Variants in STXBP3 observed in about 807,000 individuals in gnomAD.
STXBP3 encodes the protein syntaxin-binding protein 3.
In STXBP3, 41 loss-of-function variants were observed where a neutral mutation model predicts 85.7. The observed-to-expected ratio is 0.48, with a 90% CI of 0.37 to 0.62. STXBP3 has a LOEUF of 0.62. Ranked by LOEUF, STXBP3 falls within the 20% of genes least tolerant of loss-of-function variation. The pLI, the probability that STXBP3 is intolerant of heterozygous loss-of-function variation, is 0.00. For synonymous variants in STXBP3, 229 were observed against 231.7 expected, an observed-to-expected ratio of 0.99 and a Z score of 0.10; for missense variants, 563 against 703.1, an observed-to-expected ratio of 0.80 and a Z score of 2.25.
At position 108,779,306 on chromosome 1, in the gene STXBP3, C is replaced by G; in HGVS notation, c.705C>G (p.Leu235=). 6.2e-7 allele frequency: 1 copy of G among 1,612,576 alleles called. No individual in the cohort carries two copies. The change falls in exon 9 of 19, where the codon CTC becomes CTG. Residue 235 remains leucine (L), a synonymous_variant. Coordinates refer to ENST00000370008, the MANE Select transcript of STXBP3 (RefSeq NM_007269.4). The part of the protein sequence containing the change: ...SLIKGKTHSQ[L]LIIDRGFDPV... ...TCTAGGGTAAAACTCATTCACAGCT[C>G]TTAATAATTGATCGTGGCTTTGATC... is the stretch of plus-strand genomic sequence containing the variant.
intron 11 of STXBP3, among the ~76,000 whole-genome samples, chr1:108,793,157 A>ATTTTTTTTTCTTTTTTTTT (rs751400870): frequency 7.4e-5 from 5 of 67,508 alleles, no homozygotes; most frequent in East Asian, 4.6e-4. Flanking sequence ...TCTTATCTCC[A>ATTTTTTTTTCTTTTTTTTT]TTTTTTTTTT....
intron 11 of STXBP3, among the ~76,000 whole-genome samples, chr1:108,791,515 C>G (rs1662973814): frequency 1.3e-5 from 2 of 152,058 alleles, no homozygotes; most frequent in East Asian, 3.9e-4. Context: ...TATTCTATAT[C>G]TCTTGCATTC....
intron 5 of STXBP3, chr1:108,759,247 A>G (rs535657308): frequency 7.7e-4 from 118 of 152,308 alleles, no homozygotes; most frequent in African/African-American, 2.7e-3. Context: ...CATTTTTCCT[A>G]TAAATTTTTA....
chr1:108,770,934 G>A (rs1662378760), intron 6 of STXBP3, among the ~76,000 whole-genome samples: 1 of 152,094 alleles, frequency 6.6e-6, no homozygotes, highest in African/African-American at 2.4e-5. Context: ...GGGGAAATAT[G>A]TCTCTTATTT....
chr1:108,779,594 A>G (rs1217658039), intron 9 of STXBP3, 184 bp downstream of exon 9: 2 of 593,244 alleles, frequency 3.4e-6, no homozygotes, highest in East Asian at 3.7e-5. Flanking sequence ...TGTAAATTAA[A>G]GTGTAATTTG....
chr1:108,758,144 T>C (rs146217706), intron 4 of STXBP3, among the ~76,000 whole-genome samples: 7 of 152,102 alleles, frequency 4.6e-5, no homozygotes, highest in African/African-American at 1.2e-4. Context: ...ATGATACTTA[T>C]AGTATGTTGG....
rs1459443350 is a variant in STXBP3 at position 108,772,649 on chromosome 1, T to C, written c.439-16T>C. On this transcript the variant is annotated splice_polypyrimidine_tract_variant and intron_variant, in intron 6 of 18. Transcript: ENST00000370008. The stretch of plus-strand genomic sequence containing the variant: ...AGGTCTCCAGATTAACAGTGAGTTT[T>C]TTTGTCTTAACTTAGGTGTATACTC... The C allele has an allele frequency of 2.2e-6, 3 of 1,371,190 alleles. No individual in the cohort carries two copies. The African/African-American group carries it at 4.5e-5, about 20-fold the overall frequency. 84.9% of individuals were successfully genotyped at this position (1,371,190 alleles called of 1,614,324 possible).
At chr1:108,807,199 A>G (rs1017233172) in intron 17 of STXBP3, among the ~76,000 whole-genome samples, 1 of 149,918 alleles carries the variant, frequency 6.7e-6, no homozygotes, top group Non-Finnish European at 1.5e-5. Flanking sequence ...CGGAGGTTGC[A>G]GTGAACCAAG....
intron 6 of STXBP3, among the ~76,000 whole-genome samples, chr1:108,771,058 G>A (rs1433020251): frequency 1.3e-5 from 2 of 152,044 alleles, no homozygotes; most frequent in African/African-American, 4.8e-5. Context: ...GATATAGGCC[G>A]ATTTTGGTAA....
chr1:108,807,113 A>G (rs546958406), intron 17 of STXBP3, among the ~76,000 whole-genome samples: 69 of 152,178 alleles, frequency 4.5e-4, no homozygotes, highest in African/African-American at 6.7e-4. Flanking sequence ...TTAGCTGGGC[A>G]TGGTGGCACA....
intron 15 of STXBP3, 146 bp downstream of exon 15, chr1:108,796,872 C>G: frequency 1.9e-6 from 1 of 524,756 alleles, no homozygotes; most frequent in Non-Finnish European, 3.0e-6. Flanking sequence ...ATTTTGTTCT[C>G]TTTTCCATAT....
chr1:108,790,654 T>C (rs1395584434), intron 11 of STXBP3, among the ~76,000 whole-genome samples: 1 of 152,024 alleles, frequency 6.6e-6, no homozygotes, highest in African/African-American at 2.4e-5. Context: ...CTTTATCAAG[T>C]CTTTTTTAAA....
chr1:108,792,691 A>G (rs866994564), intron 11 of STXBP3, among the ~76,000 whole-genome samples: 1 of 152,150 alleles, frequency 6.6e-6, no homozygotes, highest in Non-Finnish European at 1.5e-5. Context: ...TTATTGTGCT[A>G]GACATGGTGG....
At chr1:108,752,362 C>T (rs1157208198) in intron 2 of STXBP3, 56 bp downstream of exon 2, 1 of 1,516,472 alleles carries the variant, frequency 6.6e-7, no homozygotes, top group Middle Eastern at 1.7e-4. Flanking sequence ...AAAAACAATA[C>T]AGTATAAAAA....
intron 6 of STXBP3, among the ~76,000 whole-genome samples, chr1:108,772,447 TAATATATAAATA>T (rs2101117367): frequency 7.1e-6 from 1 of 140,286 alleles, no homozygotes; most frequent in South Asian, 2.2e-4. Context: ...TCTATCTGTA[TAATATATAAATA>T]CATATATCTA....
rs1407055744 is a variant in STXBP3 at position 108,789,029 on chromosome 1, A to C, written c.964-4553A>C. Among the ~76,000 whole-genome samples, 5 of 152,164 alleles carry C rather than the reference A, an allele frequency of 3.3e-5. No individual in the cohort carries two copies. The East Asian group carries it at 9.6e-4, about 29-fold the overall frequency. Reference sequence around the variant, plus strand: ...CAGTGAGCCAAGATAGTGCCACTGCACTTCAGCCTGGAGAAAAGAGTGAGA... The same window carrying C: ...CAGTGAGCCAAGATAGTGCCACTGCCCTTCAGCCTGGAGAAAAGAGTGAGA... On this transcript the variant is annotated intron_variant, in intron 11 of 18. Coordinates refer to ENST00000370008, the MANE Select transcript of STXBP3 (RefSeq NM_007269.4).
intron 17 of STXBP3, among the ~76,000 whole-genome samples, chr1:108,802,717 G>A (rs1663257681): frequency 6.6e-6 from 1 of 152,086 alleles, no homozygotes; most frequent in African/African-American, 2.4e-5. Context: ...GTTTTGTTTT[G>A]TTTTCCCCAC....
At chr1:108,754,158 A>T (rs2101102961) in intron 3 of STXBP3, among the ~76,000 whole-genome samples, 1 of 151,496 alleles carries the variant, frequency 6.6e-6, no homozygotes, top group East Asian at 1.9e-4. Flanking sequence ...TCAGTCTCCG[A>T]AGTAGCTGGG....
At chr1:108,763,890 T>C (rs1662202610) in intron 6 of STXBP3, among the ~76,000 whole-genome samples, 1 of 152,092 alleles carries the variant, frequency 6.6e-6, no homozygotes, top group East Asian at 1.9e-4. Context: ...CCCTAACTTT[T>C]TTTGTTAACT....
Sources: allele counts gnomAD v4.1 joint callset (sites outside exome capture counted in the v4.1 genomes callset), GRCh38; gene constraint gnomAD v4.1.1; transcripts MANE v1.5; gene names NCBI Gene and HGNC (gene_info 2026-07-23, HGNC 2026-07-21).